PLXNA4: variants seen among roughly 807,000 people sequenced by gnomAD.
PLXNA4 encodes the protein plexin A4.
In PLXNA4, 44 loss-of-function variants were observed where a neutral mutation model predicts 191.8. The observed-to-expected ratio is 0.23, with a 90% CI of 0.18 to 0.29. The LOEUF is 0.29. Ranked by LOEUF, PLXNA4 falls within the 10% of genes least tolerant of loss-of-function variation. The pLI is 1.00. For missense variants in PLXNA4, 1,800 were observed against 2,488.8 expected, an observed-to-expected ratio of 0.72 and a Z score of 5.89; for synonymous variants, 1,082 against 1,009.5, an observed-to-expected ratio of 1.07 and a Z score of -1.36.
At chr7:132,141,345 T>C (rs1421110730) in intron 29 of PLXNA4, among the ~76,000 whole-genome samples, 1 of 152,154 alleles carries the variant, frequency 6.6e-6, no homozygotes, top group Non-Finnish European at 1.5e-5. Context: ...AAGTACAGTG[T>C]AGCTGACTGA....
intron 1 of PLXNA4, among the ~76,000 whole-genome samples, chr7:132,524,107 G>A (rs997814442): frequency 6.6e-6 from 1 of 152,180 alleles, no homozygotes; most frequent in African/African-American, 2.4e-5. Flanking sequence ...ACAACGAAGT[G>A]AGGCTAAGAT....
intron 5 of PLXNA4, among the ~76,000 whole-genome samples, chr7:132,232,328 G>A (rs2117000420): frequency 6.6e-6 from 1 of 152,270 alleles, no homozygotes; most frequent in Admixed American, 6.5e-5. Flanking sequence ...AGGAAAACTA[G>A]AGCTGAAAAC....
chr7:132,181,642 G>A, intron 17 of PLXNA4, 22 bp from the exon 18 acceptor site: 2 of 1,612,530 alleles, frequency 1.2e-6, no homozygotes, highest in South Asian at 2.2e-5. Flanking sequence ...GCCACAGAGT[G>A]GAGTCTATGC....
chr7:132,334,252 C>CTTTCTTT lies in PLXNA4; in HGVS notation c.1372-36031_1372-36030insAAAGAAA, dbSNP rs1554417000. Among the ~76,000 whole-genome samples the CTTTCTTT allele has an allele frequency of 7.7e-4, 58 of 75,616 alleles. 1 individual carries two copies. The highest frequency in any genetic ancestry group is 1.2e-3 in the African/African-American group (20 of 16,432). 49.6% of individuals were successfully genotyped at this position (75,616 alleles called of 152,430 possible). Reference sequence around the variant, plus strand: ...TTTCTTTTCTTTTCTTTCTTTCTTTCTTTTTTTTTTTTTTTTTTTTTTTGA... The same window carrying CTTTCTTT: ...TTTCTTTTCTTTTCTTTCTTTCTTTCTTTCTTTTTTTTTTTTTTTTTTTTTTTTTTGA... On this transcript the variant is annotated intron_variant, in intron 3 of 31. Transcript: ENST00000321063.
At chr7:132,444,106 AC>A (rs1157213424) in intron 3 of PLXNA4, among the ~76,000 whole-genome samples, 6 of 152,258 alleles carry the variant, frequency 3.9e-5, no homozygotes, top group Admixed American at 3.3e-4. Flanking sequence ...CTTGATTAAT[AC>A]CCTTTTCTAG....
chr7:132,288,851 A>G (rs891597516), intron 4 of PLXNA4, among the ~76,000 whole-genome samples: 3 of 152,118 alleles, frequency 2.0e-5, no homozygotes, highest in Non-Finnish European at 4.4e-5. Context: ...TATCAAATCA[A>G]TGTCTATAGA....
chr7:132,513,044 C>T (rs535683458), intron 1 of PLXNA4, among the ~76,000 whole-genome samples: 1 of 152,324 alleles, frequency 6.6e-6, no homozygotes, highest in African/African-American at 2.4e-5. Flanking sequence ...CCAACTCAAA[C>T]ATGCTACAGT....
intron 4 of PLXNA4, among the ~76,000 whole-genome samples, chr7:132,242,404 T>C (rs903119278): frequency 6.6e-6 from 1 of 152,146 alleles, no homozygotes; most frequent in Non-Finnish European, 1.5e-5. Flanking sequence ...CTCTGTAAAA[T>C]GATGTCTGCT....
At chr7:132,189,010 G>GGAAAGGAAAGGAAA in intron 14 of PLXNA4, among the ~76,000 whole-genome samples, 1 of 69,084 alleles carries the variant, frequency 1.4e-5, no homozygotes, top group African/African-American at 4.5e-5. Context: ...GAGAGAGAGA[G>GGAAAGGAAAGGAAA]AGAGAGAGAG....
chr7:132,417,621 G>A (rs1247831144), intron 3 of PLXNA4, among the ~76,000 whole-genome samples: 1 of 149,544 alleles, frequency 6.7e-6, no homozygotes, highest in African/African-American at 2.5e-5. Context: ...ATAGATTAAT[G>A]AATGAATGTA....
At chr7:132,192,220 C>T (rs1205841493) in intron 14 of PLXNA4, among the ~76,000 whole-genome samples, 7 of 152,156 alleles carry the variant, frequency 4.6e-5, no homozygotes, top group Non-Finnish European at 8.8e-5. Context: ...TTTCACCTCC[C>T]CTTCTAGACT....
At chr7:132,352,569 A>G (rs553834158) in intron 3 of PLXNA4, among the ~76,000 whole-genome samples, 1 of 152,308 alleles carries the variant, frequency 6.6e-6, no homozygotes, top group South Asian at 2.1e-4. Context: ...CAATCCTTGA[A>G]AGACCCTCAG....
chr7:132,137,869 G>A (rs918526668), intron 30 of PLXNA4, among the ~76,000 whole-genome samples: 2 of 151,786 alleles, frequency 1.3e-5, no homozygotes, highest in African/African-American at 4.8e-5. Flanking sequence ...ATGAGTGAGA[G>A]GAGAGAAGGG....
At chr7:132,238,047 T>TA (rs1278027972) in intron 5 of PLXNA4, among the ~76,000 whole-genome samples, 4 of 152,136 alleles carry the variant, frequency 2.6e-5, no homozygotes, top group African/African-American at 9.6e-5. Context: ...CCGCTTAAAA[T>TA]AGTCCCCGAA....
chr7:132,266,641 C>T (rs1799870029), intron 4 of PLXNA4, among the ~76,000 whole-genome samples: 1 of 152,174 alleles, frequency 6.6e-6, no homozygotes, highest in Middle Eastern at 3.2e-3. Flanking sequence ...TCTGAAGTAG[C>T]AGGGAGTCAC....
intron 3 of PLXNA4, among the ~76,000 whole-genome samples, chr7:132,351,381 C>A (rs1240401285): frequency 6.6e-6 from 1 of 152,134 alleles, no homozygotes; most frequent in Non-Finnish European, 1.5e-5. Context: ...GTTTGAGAAT[C>A]CTTTGTCCTT....
In PLXNA4 at chr7:132,179,721, G is replaced by A; in HGVS notation, c.3840C>T (p.Asn1280=). 3 of 1,614,116 alleles carry A rather than the reference G, an allele frequency of 1.9e-6. No homozygotes were observed. The highest frequency in any genetic ancestry group is 2.5e-6 in the Non-Finnish European group (3 of 1,179,960). ...ACTCCAGGGCCACACGGGACTCCAG[G>A]TTGTCCATCTGCATCTGCAGCCGCT... is the stretch of plus-strand genomic sequence containing the variant. ...TLKRLQMQMD[N]LESRVALECK... is the part of the protein sequence containing the mutation. The change falls in exon 20 of 32, where the codon AAC becomes AAT. Residue 1280 remains asparagine (N), a synonymous_variant. Transcript: ENST00000321063.
At chr7:132,132,853 G>A (rs1457233657) in intron 31 of PLXNA4, among the ~76,000 whole-genome samples, 196 bp downstream of exon 31, 1 of 152,156 alleles carries the variant, frequency 6.6e-6, no homozygotes, top group Non-Finnish European at 1.5e-5. Flanking sequence ...GAAGCACAGG[G>A]ATGAATGCAG....
At chr7:132,458,066 G>A (rs1416287287) in intron 3 of PLXNA4, among the ~76,000 whole-genome samples, 1 of 152,132 alleles carries the variant, frequency 6.6e-6, no homozygotes, top group African/African-American at 2.4e-5. Flanking sequence ...AACACATCGT[G>A]TCATTTAGAA....
Sources: allele counts gnomAD v4.1 joint callset (sites outside exome capture counted in the v4.1 genomes callset), GRCh38; gene constraint gnomAD v4.1.1; transcripts MANE v1.5; gene names NCBI Gene and HGNC (gene_info 2026-07-23, HGNC 2026-07-21).